Variants in TMPRSS6 observed in about 807,000 individuals in gnomAD.
TMPRSS6 encodes the protein transmembrane protease serine 6.
In TMPRSS6, 67 loss-of-function variants were observed where a neutral mutation model predicts 101.5. The observed-to-expected ratio is 0.66, with a 90% CI of 0.54 to 0.81. The LOEUF (loss-of-function observed/expected upper bound fraction) is 0.81. Among genes scored for constraint, TMPRSS6 ranks in the 30% least tolerant of loss-of-function variants. The pLI is 0.00. For missense variants in TMPRSS6, 1,034 were observed against 1,088.7 expected, an observed-to-expected ratio of 0.95 and a Z score of 0.71; for synonymous variants, 453 against 464.9, an observed-to-expected ratio of 0.97 and a Z score of 0.33.
chr22:37,089,578 G>A lies in TMPRSS6; in HGVS notation c.836C>T (p.Ser279Leu), dbSNP rs5995378. The stretch of plus-strand genomic sequence containing the variant: ...CCTGCCCTCCTTCCCAGGGACTCAC[G>A]AGGTGATGAGCCTCTTCTCCAGGGG... The part of the protein sequence containing the change: ...AGPLEKRLIT[S>L]VYGCSRQEPV... The change falls in exon 7 of 18, where the codon TCG becomes TTG. Residue 279 changes from serine to leucine, a missense_variant and splice_region_variant. Transcript: ENST00000676104. The A allele has an allele frequency of 2.6e-3, 3,118 of 1,185,600 alleles. 66 individuals carry two copies. The African/African-American group carries it at 0.048, about 18-fold the overall frequency. The allele number at this position is 1,185,600 out of a possible 1,614,324, so 73.4% of individuals were successfully genotyped here.
At chr22:37,098,642 G>T in intron 2 of TMPRSS6, 93 bp from the exon 3 acceptor site, 1 of 1,580,242 alleles carries the variant, frequency 6.3e-7, no homozygotes, top group Non-Finnish European at 8.7e-7. Flanking sequence ...CACACCCTCA[G>T]CTCAGCCTCA....
intron 2 of TMPRSS6, among the ~76,000 whole-genome samples, chr22:37,099,782 A>G (rs228906): frequency 0.63 from 95,609 of 151,850 alleles, 30,635 homozygotes; most frequent in African/African-American, 0.71. Flanking sequence ...TGTCCCAGGC[A>G]GGGGCAAGTG....
rs187079466 is a variant in TMPRSS6 at position 37,095,777 on chromosome 22, G to C, written c.589+129C>G. ...ATGCAATGGCACTGCTACCTCACCT[G>C]GGGGGCTCTCCTGGGGGGCCCACCC... On this transcript the variant is annotated intron_variant, in intron 5 of 17. Coordinates refer to ENST00000676104, the MANE Select transcript of TMPRSS6 (RefSeq NM_001374504.1). 4.9e-4 allele frequency: 638 copies of C among 1,309,386 alleles called. 1 individual carries two copies. The highest frequency in any genetic ancestry group is 2.0e-3 in the Middle Eastern group (9 of 4,404). 81.1% of individuals were successfully genotyped at this position (1,309,386 alleles called of 1,614,324 possible).
At chr22:37,094,173 C>G (rs189507554) in intron 6 of TMPRSS6, among the ~76,000 whole-genome samples, 1 of 152,216 alleles carries the variant, frequency 6.6e-6, no homozygotes, top group East Asian at 1.9e-4. Context: ...ATATCTCTGA[C>G]TTACTATTGG....
chr22:37,102,013 G>C (rs1294899612), intron 2 of TMPRSS6, among the ~76,000 whole-genome samples: 2 of 151,016 alleles, frequency 1.3e-5, no homozygotes, highest in Non-Finnish European at 3.0e-5. Flanking sequence ...GTTCCCAATA[G>C]TGTCACTCCC....
At position 37,074,693 on chromosome 22, in the gene TMPRSS6, A is replaced by G. The variant is rs1225295931; in HGVS notation, c.1358T>C (p.Phe453Ser). The G allele has an allele frequency of 2.5e-6, 4 of 1,614,162 alleles. No homozygotes were observed. The Admixed American group carries it at 6.7e-5, about 27-fold the overall frequency. The change falls in exon 12 of 18, where the codon TTC (phenylalanine) becomes TCC (serine). Residue 453 changes from phenylalanine (F) to serine (S), a missense_variant. Transcript: ENST00000676104. ...ACAGAGTCCATTCACAGAACAGAGG[A>G]ACTCTCCAGGGCAGGCTGCAAAACC... ...YNQSDPCPGE[F>S]LCSVNGLCVP...
intron 13 of TMPRSS6, among the ~76,000 whole-genome samples, chr22:37,073,077 G>A (rs1927277302): frequency 6.8e-6 from 1 of 146,386 alleles, no homozygotes; most frequent in African/African-American, 2.5e-5. Flanking sequence ...ATGGATGGAT[G>A]GATGGATAGA....
chr22:37,068,389 A>G (rs1416306152), intron 16 of TMPRSS6, among the ~76,000 whole-genome samples: 1 of 152,210 alleles, frequency 6.6e-6, no homozygotes, highest in Non-Finnish European at 1.5e-5. Context: ...GTCACTGTAC[A>G]CATTTTTGAA....
chr22:37,082,783 AACAGC>A (rs1928370705), intron 10 of TMPRSS6: 16 of 363,688 alleles, frequency 4.4e-5, no homozygotes, highest in South Asian at 3.3e-4. Context: ...TATCACCCCC[AACAGC>A]ACAGGCCCAA....
intron 3 of TMPRSS6, 95 bp downstream of exon 3, chr22:37,098,321 A>C: frequency 1.9e-6 from 3 of 1,587,444 alleles, no homozygotes; most frequent in Non-Finnish European, 2.6e-6. Context: ...TGAATGCTCC[A>C]GATGGGTTGA....
chr22:37,072,197 AT>A (rs1927015984), intron 13 of TMPRSS6, among the ~76,000 whole-genome samples: 1 of 125,678 alleles, frequency 8.0e-6, no homozygotes, highest in Admixed American at 7.9e-5. Context: ...TGGATGATGG[AT>A]GAATGGATGG....
intron 1 of TMPRSS6, among the ~76,000 whole-genome samples, chr22:37,106,225 T>C (rs1458849222): frequency 6.6e-6 from 1 of 151,682 alleles, no homozygotes; most frequent in Non-Finnish European, 1.5e-5. Flanking sequence ...GGCTGCAAAG[T>C]CAAGCAGATT....
chr22:37,102,865 A>G (rs973468583), intron 2 of TMPRSS6, among the ~76,000 whole-genome samples: 1 of 152,050 alleles, frequency 6.6e-6, no homozygotes, highest in Non-Finnish European at 1.5e-5. Flanking sequence ...CTCAGGGGCA[A>G]CCCAGGAGGA....
rs1177436644 is a variant in TMPRSS6 at position 37,069,223 on chromosome 22, T to C, written c.1963A>G (p.Ser655Gly). ...LLLHPYHEED[S>G]HDYDVALLQL... ...AGCAGCGCCACGTCGTAGTCATGGC[T>C]GTCCTCTTCGTGGTACGGGTGCAGG... The change falls in exon 16 of 18, where the codon AGC (serine) becomes GGC (glycine). Residue 655 changes from serine to glycine, a missense_variant. Physicochemically the swap from Ser to Gly is moderately conservative, Grantham distance 56. Coordinates refer to ENST00000676104, the MANE Select transcript of TMPRSS6 (RefSeq NM_001374504.1). The surrounding 1 kb of genome is among the most constrained non-coding windows in gnomAD (Gnocchi z 4.8). 6.2e-7 allele frequency: 1 copy of C among 1,609,854 alleles called. No homozygotes were observed. The highest frequency in any genetic ancestry group is 8.5e-7 in the Non-Finnish European group (1 of 1,178,802).
rs1416846557 is a variant in TMPRSS6 at position 37,066,846 on chromosome 22, C to T, written c.2230G>A (p.Gly744Ser). 1.9e-6 allele frequency: 3 copies of T among 1,614,176 alleles called. No homozygotes were observed. Among genetic ancestry groups the T allele is most frequent in the Non-Finnish European group, 2.5e-6 (3 of 1,180,024 alleles). Residue 744 changes from glycine to serine, a missense_variant, in exon 17 of 18, where the codon GGC becomes AGC. By Grantham distance (56) the Gly-to-Ser change is moderately conservative. Coordinates refer to ENST00000676104, the MANE Select transcript of TMPRSS6 (RefSeq NM_001374504.1). The part of the protein sequence containing the change: ...PRMLCAGYRK[G>S]KKDACQGDSG... ...CTCACCTGACAGGCATCCTTCTTGC[C>T]CTTGCGGTAGCCGGCACACAGCATG...
At chr22:37,071,795 C>T (rs1295047801) in intron 13 of TMPRSS6, among the ~76,000 whole-genome samples, 1 of 151,776 alleles carries the variant, frequency 6.6e-6, no homozygotes, top group Non-Finnish European at 1.5e-5. Context: ...GAGTGGTGGT[C>T]CATTAGGGAG....
chr22:37,100,821 A>G (rs1375268589), intron 2 of TMPRSS6, among the ~76,000 whole-genome samples: 1 of 152,172 alleles, frequency 6.6e-6, no homozygotes, highest in East Asian at 1.9e-4. Context: ...TGGAGAGAGA[A>G]AGGAGAGGCC....
At chr22:37,088,832 G>C (rs1343487621) in intron 7 of TMPRSS6, among the ~76,000 whole-genome samples, 1 of 152,224 alleles carries the variant, frequency 6.6e-6, no homozygotes, top group African/African-American at 2.4e-5. Flanking sequence ...CACTCACTAT[G>C]TGTAAGGATC....
chr22:37,098,277 T>A, intron 3 of TMPRSS6, 139 bp downstream of exon 3: 1 of 1,301,264 alleles, frequency 7.7e-7, no homozygotes, highest in Non-Finnish European at 1.1e-6. Flanking sequence ...CCTCATCTGC[T>A]TCCATGGTGC....
Sources: allele counts gnomAD v4.1 joint callset (sites outside exome capture counted in the v4.1 genomes callset), GRCh38; gene constraint gnomAD v4.1.1; non-coding constraint Gnocchi (gnomAD v3.1); transcripts MANE v1.5; gene names NCBI Gene and HGNC (gene_info 2026-07-23, HGNC 2026-07-21).